PARVA: variants seen among roughly 807,000 people sequenced by gnomAD.
PARVA encodes alpha-parvin.
PARVA carries 25 observed loss-of-function variants against 52.6 expected under a neutral mutation model. The observed-to-expected ratio is 0.48, with a 90% CI of 0.35 to 0.66. The LOEUF is 0.66. Ranked by LOEUF, PARVA falls within the 30% of genes least tolerant of loss-of-function variation. The probability of loss-of-function intolerance (pLI) is 0.01; values close to 1 mark genes in which losing one functional copy is unlikely to be tolerated. For missense variants in PARVA, 373 were observed against 450.9 expected (o/e 0.83, Z 1.56); for synonymous variants, 185 against 179.1 (o/e 1.03, Z -0.26).
chr11:12,490,779 T>C (rs538945042), intron 4 of PARVA, among the ~76,000 whole-genome samples: 1 of 152,274 alleles, frequency 6.6e-6, no homozygotes, highest in Admixed American at 6.5e-5. Context: ...CAGAATCCCA[T>C]ACAACCGTAG....
intron 4 of PARVA, among the ~76,000 whole-genome samples, chr11:12,488,003 A>T (rs1174307890): frequency 6.6e-6 from 1 of 152,204 alleles, no homozygotes; most frequent in East Asian, 1.9e-4. Flanking sequence ...TGCATATGTA[A>T]ATTTCAGGAG....
intron 4 of PARVA, among the ~76,000 whole-genome samples, chr11:12,486,457 C>T (rs1187872784): frequency 4.6e-5 from 7 of 152,072 alleles, no homozygotes; most frequent in South Asian, 4.2e-4. Context: ...CGCTTGAACT[C>T]GGCAGGCGGA....
intron 1 of PARVA, among the ~76,000 whole-genome samples, 178 bp from the exon 2 acceptor site, chr11:12,473,567 G>A (rs540170181): frequency 1.2e-4 from 18 of 152,284 alleles, no homozygotes; most frequent in Admixed American, 7.2e-4. Context: ...AGATTAAGGG[G>A]ACAATTAGGT....
intron 3 of PARVA, among the ~76,000 whole-genome samples, chr11:12,476,549 A>G (rs1300897799): frequency 6.7e-6 from 1 of 150,374 alleles, no homozygotes; most frequent in Non-Finnish European, 1.5e-5. Context: ...GCCTCCCCTC[A>G]TTCCTGATCT....
At chr11:12,452,355 G>A (rs115170583) in intron 1 of PARVA, among the ~76,000 whole-genome samples, 1,696 of 152,214 alleles carry the variant, frequency 0.011, 48 homozygotes, top group African/African-American at 0.038. Flanking sequence ...CCTGTGGGGA[G>A]AGCCTGTCCT....
intron 1 of PARVA, among the ~76,000 whole-genome samples, chr11:12,424,769 T>C (rs954446712): frequency 6.6e-6 from 1 of 152,214 alleles, no homozygotes; most frequent in African/African-American, 2.4e-5. Flanking sequence ...TTGAGTTCTT[T>C]TGAAGATTTA....
intron 1 of PARVA, among the ~76,000 whole-genome samples, chr11:12,470,503 G>A (rs1940918027): frequency 6.6e-6 from 1 of 152,230 alleles, no homozygotes. Context: ...GTGAGTGGTA[G>A]AGTCTGGATA....
At chr11:12,410,914 C>T (rs1939983983) in intron 1 of PARVA, among the ~76,000 whole-genome samples, 1 of 152,240 alleles carries the variant, frequency 6.6e-6, no homozygotes, top group Non-Finnish European at 1.5e-5. Context: ...TGCCACTTAC[C>T]TGTATAACCT....
At chr11:12,464,388 C>T (rs1589967461) in intron 1 of PARVA, among the ~76,000 whole-genome samples, 1 of 152,164 alleles carries the variant, frequency 6.6e-6, no homozygotes, top group East Asian at 1.9e-4. Context: ...TGGCTCCTAC[C>T]ATCCACCATG....
intron 1 of PARVA, among the ~76,000 whole-genome samples, chr11:12,470,226 G>A (rs1260044160): frequency 6.6e-6 from 1 of 152,242 alleles, no homozygotes; most frequent in African/African-American, 2.4e-5. Flanking sequence ...TTGAAGGGTG[G>A]TCTTGACAGT....
chr11:12,460,095 T>G (rs1940756457), intron 1 of PARVA, among the ~76,000 whole-genome samples: 2 of 152,202 alleles, frequency 1.3e-5, no homozygotes, highest in Admixed American at 6.5e-5. Context: ...AAATGTGGTT[T>G]GCAAAAATGG....
intron 6 of PARVA, among the ~76,000 whole-genome samples, chr11:12,508,247 C>A (rs903669616): frequency 6.6e-6 from 1 of 152,082 alleles, no homozygotes; most frequent in Non-Finnish European, 1.5e-5. Context: ...GCAGACACAC[C>A]CTGGCCTTCA....
At chr11:12,436,148 C>T (rs980733728) in intron 1 of PARVA, among the ~76,000 whole-genome samples, 33 of 152,106 alleles carry the variant, frequency 2.2e-4, no homozygotes, top group African/African-American at 8.0e-4. Context: ...AAATAGATAG[C>T]AATATCTCCC....
chr11:12,439,555 G>A (rs1940433737), intron 1 of PARVA, among the ~76,000 whole-genome samples: 1 of 152,202 alleles, frequency 6.6e-6, no homozygotes, highest in Non-Finnish European at 1.5e-5. Context: ...CAGAGGCCCA[G>A]CTGAAGGGAC....
intron 1 of PARVA, among the ~76,000 whole-genome samples, chr11:12,464,721 A>C (rs975452076): frequency 1.3e-5 from 2 of 152,130 alleles, no homozygotes; most frequent in Admixed American, 1.3e-4. Context: ...TTAGGGTTTG[A>C]ATATTTGTCG....
intron 1 of PARVA, among the ~76,000 whole-genome samples, chr11:12,445,756 A>G (rs2135008887): frequency 6.6e-6 from 1 of 152,254 alleles, no homozygotes; most frequent in Admixed American, 6.5e-5. Context: ...CCGGCTCCAT[A>G]CATATGGGGG....
At chr11:12,493,560 A>C (rs1456926112) in intron 4 of PARVA, among the ~76,000 whole-genome samples, 1 of 152,060 alleles carries the variant, frequency 6.6e-6, no homozygotes, top group Non-Finnish European at 1.5e-5. Context: ...AACATTTGCA[A>C]CACAAAACAA....
intron 1 of PARVA, 31 bp downstream of exon 1, chr11:12,377,814 G>A (rs763928281): frequency 1.4e-6 from 2 of 1,465,436 alleles, no homozygotes; most frequent in South Asian, 1.3e-5. Context: ...CGGGCGGGCG[G>A]TAGGAGCCGG....
At chr11:12,435,964 A>G (rs1355054861) in intron 1 of PARVA, among the ~76,000 whole-genome samples, 1 of 152,092 alleles carries the variant, frequency 6.6e-6, no homozygotes, top group Non-Finnish European at 1.5e-5. Context: ...CTGGGACTAC[A>G]GGCGCGTACC....
Sources: allele counts gnomAD v4.1 joint callset (sites outside exome capture counted in the v4.1 genomes callset), GRCh38; gene constraint gnomAD v4.1.1; transcripts MANE v1.5; gene names NCBI Gene and HGNC (gene_info 2026-07-23, HGNC 2026-07-21).